Variants in ZNF454 observed in about 807,000 individuals in gnomAD.
The protein encoded by ZNF454 is zinc finger protein 454.
ZNF454 carries 30 observed loss-of-function variants against 48.2 expected under a neutral mutation model. That is an observed-to-expected ratio of 0.62 (90% CI 0.47 to 0.84). The LOEUF is 0.84. ZNF454 is among the 40% of genes least tolerant of loss of function. The pLI, the probability that ZNF454 is intolerant of heterozygous loss-of-function variation, is 0.00. For synonymous variants in ZNF454, 204 were observed against 211.4 expected, an observed-to-expected ratio of 0.97 and a Z score of 0.30; for missense variants, 510 against 623.1, an observed-to-expected ratio of 0.82 and a Z score of 1.93.
chr5:178,964,526 T>TTGTTG, intron 4 of ZNF454, 129 bp from the exon 5 acceptor site: 1 of 758,190 alleles, frequency 1.3e-6, no homozygotes, highest in South Asian at 1.7e-5. Context: ...CTGTCCTTTC[T>TTGTTG]TGTTGTTACT....
At chr5:178,961,175 C>T (rs569043742) in intron 4 of ZNF454, among the ~76,000 whole-genome samples, 7 of 151,550 alleles carry the variant, frequency 4.6e-5, no homozygotes, top group South Asian at 4.2e-4. Flanking sequence ...GTGATCTGTC[C>T]GCCTCAGCCT....
rs1759073130 is a variant in ZNF454, at chr5:178,941,260, C to T, written c.-292C>T. On this transcript the variant is annotated 5_prime_UTR_variant, in exon 1 of 5. Coordinates refer to ENST00000519564, the MANE Select transcript of ZNF454 (RefSeq NM_001178089.3). This position sits in a 1 kb window ranked among gnomAD's most constrained non-coding sequence, Gnocchi z 5.5. ...CTGCGATGTGGCGCTTGCGATCTCT[C>T]GCCGCCGGCAGAGGCTCCTCGAAGA... The T allele has an allele frequency of 1.5e-5, 6 of 396,452 alleles. No individual in the cohort carries two copies. The highest frequency in any genetic ancestry group is 1.4e-4 in the Admixed American group (5 of 35,822). 24.6% of individuals were successfully genotyped at this position (396,452 alleles called of 1,614,324 possible). A position where few individuals can be genotyped will look rare whatever the true frequency, so the allele number is the denominator to read the frequency against.
At chr5:178,984,715 C>T in the ZNF454 span, among the ~76,000 whole-genome samples, 19 of 152,244 alleles carry the variant, frequency 1.2e-4, no homozygotes, top group East Asian at 1.9e-3. Context: ...GGCCCTGTTA[C>T]GTGGAGGAAG....
At chr5:178,956,510 T>C (rs1426501516) in intron 4 of ZNF454, among the ~76,000 whole-genome samples, 24 of 85,142 alleles carry the variant, frequency 2.8e-4, no homozygotes, top group Admixed American at 1.0e-3. Flanking sequence ...TGTTTTGCTC[T>C]CCTGAAAAGA....
chr5:178,988,870 C>T, the ZNF454 span: 1 of 1,359,208 alleles, frequency 7.4e-7, no homozygotes, highest in Non-Finnish European at 1.0e-6. This position sits in a 1 kb window ranked among gnomAD's most constrained non-coding sequence, Gnocchi z 6.0. Flanking sequence ...TTGTCCCAGG[C>T]CTCACAGCAA....
intron 4 of ZNF454, among the ~76,000 whole-genome samples, chr5:178,964,277 C>T (rs1309371080): frequency 6.6e-5 from 10 of 151,850 alleles, no homozygotes; most frequent in Non-Finnish European, 8.8e-5. Flanking sequence ...CCCACCACCA[C>T]GCCCGGCTAA....
rs34301209 is a variant in ZNF454 at position 178,941,464 on chromosome 5, C to CCATA, written c.-108+22_-108+23insTACA. The CCATA allele has an allele frequency of 6.6e-6, 3 of 456,216 alleles. No individual in the cohort carries two copies. The allele number at this position is 456,216 out of a possible 1,614,324, so 28.3% of individuals were successfully genotyped here. A position where few individuals can be genotyped will look rare whatever the true frequency, so the allele number is the denominator to read the frequency against. ...CGGAATGTATGTCTGAGATTTGATCCCAGAGAGGGAGGACGGCCAGGGGTG... is the reference window on the plus strand; with the variant it reads ...CGGAATGTATGTCTGAGATTTGATCCCATACAGAGAGGGAGGACGGCCAGGGGTG... On this transcript the variant is annotated intron_variant, in intron 1 of 4. Coordinates refer to ENST00000519564, the MANE Select transcript of ZNF454 (RefSeq NM_001178089.3). The surrounding 1 kb of genome is among the most constrained non-coding windows in gnomAD (Gnocchi z 5.5).
intron 4 of ZNF454, among the ~76,000 whole-genome samples, chr5:178,949,901 C>T (rs552564561): frequency 5.3e-5 from 8 of 152,186 alleles, no homozygotes; most frequent in Non-Finnish European, 8.8e-5. Flanking sequence ...AGGTGTGAGC[C>T]ACCACGCCCG....
downstream of ZNF454, chr5:178,969,808 G>A (rs1760213634): frequency 2.8e-6 from 1 of 357,160 alleles, no homozygotes; most frequent in Non-Finnish European, 5.6e-6. Flanking sequence ...CATCTAGACT[G>A]ATAGGTTCTT....
chr5:178,953,549 T>C (rs917508103), intron 4 of ZNF454, among the ~76,000 whole-genome samples: 5 of 152,270 alleles, frequency 3.3e-5, no homozygotes, highest in South Asian at 2.1e-4. Context: ...GTGTCTCGTG[T>C]CTTCTTTCGT....
chr5:178,977,382 G>A, the ZNF454 span: 1 of 455,494 alleles, frequency 2.2e-6, no homozygotes, highest in Non-Finnish European at 4.4e-6. Context: ...TGCTGTTTAA[G>A]AACAAGCAGG....
the ZNF454 span, among the ~76,000 whole-genome samples, chr5:178,988,473 G>A: frequency 7.2e-5 from 11 of 152,192 alleles, no homozygotes; most frequent in Admixed American, 5.9e-4. The surrounding 1 kb of genome is among the most constrained non-coding windows in gnomAD (Gnocchi z 6.0). Flanking sequence ...ACACAGTTTT[G>A]AGCCCTGACC....
chr5:178,987,130 T>A, the ZNF454 span: 1 of 813,232 alleles, frequency 1.2e-6, no homozygotes, highest in African/African-American at 1.7e-5. Context: ...CGCAGGGAGA[T>A]CCCCCTTCAC....
chr5:178,971,962 C>G, the ZNF454 span, among the ~76,000 whole-genome samples: 1 of 152,094 alleles, frequency 6.6e-6, no homozygotes, highest in Admixed American at 6.5e-5. Flanking sequence ...GAGATGGAGT[C>G]TCACTCTGTC....
chr5:178,977,173 G>C, the ZNF454 span, among the ~76,000 whole-genome samples: 3 of 152,168 alleles, frequency 2.0e-5, no homozygotes, highest in African/African-American at 7.2e-5. Context: ...TATTCTGACA[G>C]AATAATTGCT....
the ZNF454 span, chr5:178,981,743 T>C: frequency 6.2e-7 from 1 of 1,613,864 alleles, no homozygotes; most frequent in African/African-American, 1.3e-5. This position sits in a 1 kb window ranked among gnomAD's most constrained non-coding sequence, Gnocchi z 5.1. Context: ...TTCTGCACAT[T>C]CTGCTCTGGA....
chr5:178,951,079 C>T (rs920836114), intron 4 of ZNF454, among the ~76,000 whole-genome samples: 4 of 151,940 alleles, frequency 2.6e-5, no homozygotes, highest in African/African-American at 4.8e-5. Context: ...CAGATGCTCT[C>T]GATCTCCTGA....
chr5:178,965,806 T>C lies in ZNF454; in HGVS notation c.1402T>C (p.Tyr468His), dbSNP rs1760131205. 6.2e-7 allele frequency: 1 copy of C among 1,614,124 alleles called. No homozygotes were observed. The stretch of plus-strand genomic sequence containing the variant: ...GAGAATTCATACTAGGGAAAAACCT[T>C]ACAAATGTAAAATCTGTGAGAAAGC... ...HKRIHTREKPYKCKICEKAFI... is the reference protein window; with the variant it reads ...HKRIHTREKPHKCKICEKAFI... Residue 468 changes from tyrosine to histidine, a missense_variant, in exon 5 of 5, where the codon TAC becomes CAC. Physicochemically the swap from Tyr to His is moderately conservative, Grantham distance 83. Around this residue, in one of 3 missense-constraint regions of ZNF454, gnomAD observed 153 missense variants for 195.8 expected, o/e 0.78. Transcript: ENST00000519564. The surrounding 1 kb of genome is among the most constrained non-coding windows in gnomAD (Gnocchi z 5.2).
rs184240739 is a variant in ZNF454 at position 178,952,609 on chromosome 5, C to T, written c.250+5623C>T. 4.6e-4 allele frequency among the ~76,000 whole-genome samples: 70 copies of T among 152,238 alleles called. 1 individual carries two copies. The highest frequency in any genetic ancestry group is 1.6e-3 in the African/African-American group (67 of 41,560). ...TTATGATCTTTATTCTTAGTGCTTTCGGTGTCCTGTTTAAATCATCTTTCC... is the reference window on the plus strand; with the variant it reads ...TTATGATCTTTATTCTTAGTGCTTTTGGTGTCCTGTTTAAATCATCTTTCC... On this transcript the variant is annotated intron_variant, in intron 4 of 4. Transcript: ENST00000519564.
Sources: gnomAD v4.1 joint callset for allele counts (sites outside exome capture counted in the v4.1 genomes callset) on GRCh38, gnomAD v4.1.1 for gene constraint, gnomAD v4.1.1 regional missense constraint, Gnocchi (gnomAD v3.1) non-coding constraint, MANE v1.5 for transcripts, NCBI Gene and HGNC (gene_info 2026-07-23, HGNC 2026-07-21) for gene names.